Variants in COL10A1 observed in about 807,000 individuals in gnomAD.
COL10A1 encodes collagen alpha-1(X) chain.
In COL10A1, 10 loss-of-function variants were observed where a neutral mutation model predicts 18.2. The ratio of observed to expected loss-of-function variants is 0.55; its 90% CI spans 0.34 to 0.93. The LOEUF is 0.93. Ranked by LOEUF, COL10A1 falls within the 40% of genes least tolerant of loss-of-function variation. The probability of loss-of-function intolerance (pLI) is 0.02; values close to 1 mark genes in which losing one functional copy is unlikely to be tolerated. For synonymous variants in COL10A1, 330 were observed against 316.6 expected, an observed-to-expected ratio of 1.04 and a Z score of -0.45; for missense variants, 897 against 853.5, an observed-to-expected ratio of 1.05 and a Z score of -0.64.
chr6:116,164,515 G>C, the COL10A1 span, among the ~76,000 whole-genome samples: 2 of 152,080 alleles, frequency 1.3e-5, no homozygotes, highest in South Asian at 4.2e-4. Flanking sequence ...GCAGCAGATG[G>C]TTGAATCTTG....
At chr6:116,177,164 TG>T in the COL10A1 span, among the ~76,000 whole-genome samples, 1 of 152,234 alleles carries the variant, frequency 6.6e-6, no homozygotes, top group Non-Finnish European at 1.5e-5. Flanking sequence ...TTAAGTCTTT[TG>T]TTACTTGAGC....
chr6:116,163,443 G>A (rs958263695), upstream of COL10A1, among the ~76,000 whole-genome samples: 3 of 151,790 alleles, frequency 2.0e-5, no homozygotes, highest in African/African-American at 4.8e-5. Context: ...ATGATGTTTC[G>A]TATTTCTGTG....
intron 1 of COL10A1, among the ~76,000 whole-genome samples, chr6:116,143,166 A>G (rs1779807683): frequency 6.6e-6 from 1 of 152,148 alleles, no homozygotes; most frequent in African/African-American, 2.4e-5. Context: ...TTTTAGAAAC[A>G]TAGATAATAT....
chr6:116,152,853 G>A, intron 1 of COL10A1, among the ~76,000 whole-genome samples: 1 of 152,030 alleles, frequency 6.6e-6, no homozygotes, highest in East Asian at 1.9e-4. Flanking sequence ...ATTTTCTATA[G>A]TTATATTGCC....
the COL10A1 span, among the ~76,000 whole-genome samples, chr6:116,178,988 C>A: frequency 1.3e-5 from 2 of 152,156 alleles, no homozygotes; most frequent in Non-Finnish European, 2.9e-5. Flanking sequence ...TTATTCTATC[C>A]TCATCTTCAT....
the COL10A1 span, among the ~76,000 whole-genome samples, chr6:116,205,663 G>A: frequency 3.3e-5 from 5 of 151,914 alleles, no homozygotes; most frequent in African/African-American, 1.2e-4. Flanking sequence ...AGCTGTTTGT[G>A]TAGTTTCCGT....
chr6:116,202,983 C>G, the COL10A1 span, among the ~76,000 whole-genome samples: 1 of 151,938 alleles, frequency 6.6e-6, no homozygotes. Flanking sequence ...CTTTTCCAAA[C>G]ATGGTTTTTC....
chr6:116,211,648 G>A, the COL10A1 span, among the ~76,000 whole-genome samples: 1 of 151,972 alleles, frequency 6.6e-6, no homozygotes, highest in African/African-American at 2.4e-5. Flanking sequence ...AAAATATAGA[G>A]TCCACGAAGT....
intron 1 of COL10A1, among the ~76,000 whole-genome samples, chr6:116,146,637 T>A (rs1779904159): frequency 6.6e-6 from 1 of 152,200 alleles, no homozygotes; most frequent in East Asian, 1.9e-4. Flanking sequence ...TATCTTACAG[T>A]TTCCTATAGT....
upstream of COL10A1, among the ~76,000 whole-genome samples, chr6:116,128,027 G>T (rs527333761): frequency 3.8e-4 from 58 of 152,210 alleles, 1 homozygote; most frequent in South Asian, 0.01. Context: ...GAGGTATTCT[G>T]CTGTTCTCCA....
Position 116,119,546 on chromosome 6 carries a change from G to A in COL10A1, c.*527C>T, listed in dbSNP as rs1156411073. The A allele has an allele frequency of 6.3e-6, 1 of 157,758 alleles. No homozygotes were observed. The highest frequency in any genetic ancestry group is 1.4e-5 in the Non-Finnish European group (1 of 71,598). 9.8% of individuals were successfully genotyped at this position (157,758 alleles called of 1,614,324 possible). ...AAGGGGCCATACAGGCCTCAGAGTA[G>A]TGCACCATCAGAAATATTTTAGGGG... On this transcript the variant is annotated 3_prime_UTR_variant, in exon 3 of 3. Transcript: ENST00000651968.
At chr6:116,151,230 C>T (rs1418257350) in intron 1 of COL10A1, among the ~76,000 whole-genome samples, 1 of 152,162 alleles carries the variant, frequency 6.6e-6, no homozygotes, top group Non-Finnish European at 1.5e-5. Flanking sequence ...CTTCCAAACC[C>T]CCACATTTTA....
intron 1 of COL10A1, among the ~76,000 whole-genome samples, chr6:116,144,720 AT>A (rs1206479778): frequency 1.3e-5 from 2 of 152,192 alleles, no homozygotes; most frequent in Admixed American, 1.3e-4. Flanking sequence ...CACCAGTAAC[AT>A]GTTCCCTAAG....
At chr6:116,166,088 TA>T in the COL10A1 span, among the ~76,000 whole-genome samples, 1 of 151,996 alleles carries the variant, frequency 6.6e-6, no homozygotes, top group Non-Finnish European at 1.5e-5. Flanking sequence ...GTCAGCAGCT[TA>T]TTGCAGGGGT....
Position 116,120,012 on chromosome 6 carries a change from G to C in COL10A1, c.*61C>G, listed in dbSNP as rs1263612003. The C allele has an allele frequency of 2.2e-6, 3 of 1,368,542 alleles. No homozygotes were observed. The African/African-American group carries it at 4.3e-5, about 20-fold the overall frequency. The allele number at this position is 1,368,542 out of a possible 1,614,324, so 84.8% of individuals were successfully genotyped here. A position where few individuals can be genotyped will look rare whatever the true frequency, so the allele number is the denominator to read the frequency against. On this transcript the variant is annotated 3_prime_UTR_variant, in exon 3 of 3. Coordinates refer to ENST00000651968, the MANE Select transcript of COL10A1 (RefSeq NM_000493.4). ...GCCTACCTCCATATGCATTTTGTAG[G>C]GTGGGGTAGAGTTAGAGAATGCTTT...
intron 1 of COL10A1, among the ~76,000 whole-genome samples, chr6:116,152,439 C>G (rs570672526): frequency 1.3e-5 from 2 of 152,064 alleles, no homozygotes; most frequent in Non-Finnish European, 2.9e-5. Context: ...CTTTTGAACT[C>G]CTGTGTCCTC....
In COL10A1 at chr6:116,120,760, G is replaced by A. The variant is rs1470427075; in HGVS notation, c.1356C>T (p.Gly452=). The part of the protein sequence containing the change: ...RGAPGIPGTR[G]PIGPPGIPGF... The stretch of plus-strand genomic sequence containing the variant: ...CTGGAATGCCTGGTGGCCCAATAGG[G>A]CCTCTAGTACCTGGTATTCCAGGGG... Residue 452 remains glycine (G), a synonymous_variant, in exon 3 of 3, where the codon GGC becomes GGT. Transcript: ENST00000651968. The A allele has an allele frequency of 6.2e-7, 1 of 1,610,202 alleles. No individual in the cohort carries two copies. The highest frequency in any genetic ancestry group is 8.5e-7 in the Non-Finnish European group (1 of 1,178,600).
the COL10A1 span, among the ~76,000 whole-genome samples, chr6:116,177,115 G>A: frequency 6.6e-6 from 1 of 152,156 alleles, no homozygotes; most frequent in Non-Finnish European, 1.5e-5. Context: ...ATAAATACTA[G>A]TGTCTCATAG....
chr6:116,138,854 A>G (rs1582828148), intron 1 of COL10A1, among the ~76,000 whole-genome samples: 1 of 152,136 alleles, frequency 6.6e-6, no homozygotes, highest in Non-Finnish European at 1.5e-5. Context: ...GTAAGAATAG[A>G]TAGTGAATAT....
Sources: allele counts gnomAD v4.1 joint callset (sites outside exome capture counted in the v4.1 genomes callset), GRCh38; gene constraint gnomAD v4.1.1; transcripts MANE v1.5; gene names NCBI Gene and HGNC (gene_info 2026-07-23, HGNC 2026-07-21).